The following ZC2HC1B variants were observed in gnomAD, a reference collection of about 807,000 sequenced individuals.
The protein encoded by ZC2HC1B is zinc finger C2HC-type containing 1B.
A neutral mutation model predicts 31.0 loss-of-function variants in ZC2HC1B; 36 were observed. That is an observed-to-expected ratio of 1.16 (90% CI 0.89 to 1.54). The LOEUF is 1.54. Ranked by LOEUF, ZC2HC1B falls within the 40% of genes most tolerant of loss-of-function variation. The probability of loss-of-function intolerance (pLI) is 0.00; values close to 1 mark genes in which losing one functional copy is unlikely to be tolerated. For synonymous variants in ZC2HC1B, 73 were observed against 88.0 expected, an observed-to-expected ratio of 0.83 and a Z score of 0.95; for missense variants, 260 against 268.6, an observed-to-expected ratio of 0.97 and a Z score of 0.22.
At chr6:143,925,611 G>T (rs192551765) in intron 6 of ZC2HC1B, among the ~76,000 whole-genome samples, 6 of 142,348 alleles carry the variant, frequency 4.2e-5, no homozygotes, top group South Asian at 4.5e-4. Context: ...ATCTCGTCTC[G>T]CCGCAACCTC....
chr6:143,889,364 C>T (rs573056971), intron 4 of ZC2HC1B, among the ~76,000 whole-genome samples: 39 of 152,112 alleles, frequency 2.6e-4, no homozygotes, highest in African/African-American at 7.9e-4. Context: ...TGCATAATTG[C>T]ATATTAATGG....
At chr6:143,932,818 G>C (rs1389299724) in intron 6 of ZC2HC1B, among the ~76,000 whole-genome samples, 1 of 152,104 alleles carries the variant, frequency 6.6e-6, no homozygotes, top group Non-Finnish European at 1.5e-5. Context: ...GAACTCAAGG[G>C]CAGCTGTTCA....
At chr6:143,901,536 A>C (rs1001237942) in intron 5 of ZC2HC1B, among the ~76,000 whole-genome samples, 1 of 152,102 alleles carries the variant, frequency 6.6e-6, no homozygotes, top group African/African-American at 2.4e-5. Flanking sequence ...CTGGGATTAC[A>C]GGCATGAGAC....
In ZC2HC1B at chr6:143,934,305, C is replaced by T. The variant is rs545625960; in HGVS notation, c.599-3344C>T. Among the ~76,000 whole-genome samples the T allele has an allele frequency of 5.9e-5, 9 of 152,306 alleles. No homozygotes were observed. The highest frequency in any genetic ancestry group is 5.8e-4 in the East Asian group (3 of 5,184). On this transcript the variant is annotated intron_variant, in intron 6 of 7. Transcript: ENST00000237275. This position sits in a 1 kb window ranked among gnomAD's most constrained non-coding sequence, Gnocchi z 4.6. ...CTCCTGCAGTTGTTCCTGGAGCAAA[C>T]GACCACAGAGTGAGTGTCCACACGC...
chr6:143,892,844 A>G (rs1582959868), intron 4 of ZC2HC1B, among the ~76,000 whole-genome samples: 1 of 152,248 alleles, frequency 6.6e-6, no homozygotes, highest in East Asian at 1.9e-4. Flanking sequence ...TATAATTGTT[A>G]CAACTAAAGG....
At chr6:143,909,365 C>T (rs1409441004) in intron 6 of ZC2HC1B, among the ~76,000 whole-genome samples, 1 of 151,882 alleles carries the variant, frequency 6.6e-6, no homozygotes, top group Non-Finnish European at 1.5e-5. Flanking sequence ...CCACTGCACT[C>T]CAGCCTGGGT....
chr6:143,937,784 C>A (rs1474675561), intron 7 of ZC2HC1B, 51 bp downstream of exon 7: 1 of 1,391,942 alleles, frequency 7.2e-7, no homozygotes, highest in Non-Finnish European at 9.8e-7. Flanking sequence ...CAGTTAATGA[C>A]TTTTAAGAGA....
At chr6:143,904,795 G>A (rs1777775572) in intron 6 of ZC2HC1B, among the ~76,000 whole-genome samples, 1 of 152,130 alleles carries the variant, frequency 6.6e-6, no homozygotes, top group Non-Finnish European at 1.5e-5. Context: ...ATGGTGTTAG[G>A]TAAGAGTCCA....
chr6:143,932,324 A>C (rs1344050584), intron 6 of ZC2HC1B, among the ~76,000 whole-genome samples: 2 of 152,226 alleles, frequency 1.3e-5, no homozygotes, highest in Non-Finnish European at 2.9e-5. Context: ...CATAATCTCA[A>C]ACTTCTTGGA....
intron 5 of ZC2HC1B, among the ~76,000 whole-genome samples, chr6:143,901,680 A>G (rs1288589748): frequency 6.6e-6 from 1 of 152,026 alleles, no homozygotes; most frequent in African/African-American, 2.4e-5. Flanking sequence ...TTGTTGGGGG[A>G]CTTATAGATA....
chr6:143,928,420 A>C (rs986519514), intron 6 of ZC2HC1B, among the ~76,000 whole-genome samples: 1 of 152,068 alleles, frequency 6.6e-6, no homozygotes, highest in African/African-American at 2.4e-5. Flanking sequence ...TCAGTTGGCT[A>C]TAGGTATGTG....
chr6:143,893,607 A>G (rs1777627326), intron 4 of ZC2HC1B, among the ~76,000 whole-genome samples: 1 of 152,112 alleles, frequency 6.6e-6, no homozygotes, highest in Non-Finnish European at 1.5e-5. Context: ...AGTGTTTGCT[A>G]TGATGTGGAC....
Position 143,908,498 on chromosome 6 carries a change from T to C in ZC2HC1B, c.598+5346T>C, listed in dbSNP as rs553124701. On this transcript the variant is annotated intron_variant, in intron 6 of 7. Transcript: ENST00000237275. The surrounding 1 kb of genome is among the most constrained non-coding windows in gnomAD (Gnocchi z 4.4). ...CTTTGAAGAGATTCTTCACTTTCCT[T>C]GTTAGCTGTATTCCTGGGCATTTTA... Among the ~76,000 whole-genome samples the C allele has an allele frequency of 6.6e-6, 1 of 152,350 alleles. No individual in the cohort carries two copies. Among genetic ancestry groups the C allele is most frequent in the African/African-American group, 2.4e-5 (1 of 41,578 alleles).
intron 1 of ZC2HC1B, among the ~76,000 whole-genome samples, chr6:143,879,294 C>T (rs547825299): frequency 1.3e-5 from 2 of 152,254 alleles, no homozygotes; most frequent in East Asian, 3.9e-4. Context: ...TTTTAGGTTT[C>T]TTGTTTTCTT....
At position 143,934,050 on chromosome 6, in the gene ZC2HC1B, T is replaced by C. The variant is rs980501399; in HGVS notation, c.599-3599T>C. ...CTGCCTACAAGGCTTGTCCCACTGC[T>C]GCTTCTACTTTTACATTTCACAGCA... On this transcript the variant is annotated intron_variant, in intron 6 of 7. Transcript: ENST00000237275. This position sits in a 1 kb window ranked among gnomAD's most constrained non-coding sequence, Gnocchi z 4.6. Among the ~76,000 whole-genome samples, 1 of 152,254 alleles carries C rather than the reference T, an allele frequency of 6.6e-6. No homozygotes were observed. Among genetic ancestry groups the C allele is most frequent in the Non-Finnish European group, 1.5e-5 (1 of 68,046 alleles).
At position 143,886,948 on chromosome 6, in the gene ZC2HC1B, T is replaced by G. The variant is rs1442645836; in HGVS notation, c.349+127T>G. 8.9e-6 allele frequency: 9 copies of G among 1,008,074 alleles called. No individual in the cohort carries two copies. The highest frequency in any genetic ancestry group is 2.7e-4 in the Middle Eastern group (1 of 3,748). The allele number at this position is 1,008,074 out of a possible 1,614,324, so 62.4% of individuals were successfully genotyped here. ...AGTAATTTTATTAATTATATAAAAG[T>G]AAACATCCTATTTTTTTCAATTCTG... is the stretch of plus-strand genomic sequence containing the variant. On this transcript the variant is annotated intron_variant, in intron 4 of 7. Transcript: ENST00000237275. The surrounding 1 kb of genome is among the most constrained non-coding windows in gnomAD (Gnocchi z 4.2).
rs1386872735 is a variant in ZC2HC1B, at chr6:143,868,824, T to G, written c.28+4257T>G. Among the ~76,000 whole-genome samples the G allele has an allele frequency of 1.3e-5, 2 of 152,222 alleles. No homozygotes were observed. The highest frequency in any genetic ancestry group is 4.8e-5 in the African/African-American group (2 of 41,464). On this transcript the variant is annotated intron_variant, in intron 1 of 7. Coordinates refer to ENST00000237275, the MANE Select transcript of ZC2HC1B (RefSeq NM_001013623.3). This position sits in a 1 kb window ranked among gnomAD's most constrained non-coding sequence, Gnocchi z 4.2. Reference sequence around the variant, plus strand: ...CACCAATCCCCAACCCAAATACTATTACATAAAGTTAACAATTCTTAAATG... The same window carrying G: ...CACCAATCCCCAACCCAAATACTATGACATAAAGTTAACAATTCTTAAATG...
At position 143,886,929 on chromosome 6, in the gene ZC2HC1B, T is replaced by TG; in HGVS notation, c.349+108_349+109insG. 3 of 1,074,160 alleles carry TG rather than the reference T, an allele frequency of 2.8e-6. No individual in the cohort carries two copies. Among genetic ancestry groups the TG allele is most frequent in the Non-Finnish European group, 3.7e-6 (3 of 808,184 alleles). 66.5% of individuals were successfully genotyped at this position (1,074,160 alleles called of 1,614,324 possible). On this transcript the variant is annotated intron_variant, in intron 4 of 7. Transcript: ENST00000237275. This position sits in a 1 kb window ranked among gnomAD's most constrained non-coding sequence, Gnocchi z 4.2. ...ACAATAACAATTACATAGAAGTAAT[T>TG]TTATTAATTATATAAAAGTAAACAT...
rs1341251058 is a variant in ZC2HC1B at position 143,923,003 on chromosome 6, A to G, written c.599-14646A>G. ...TAATATAGAGTTCCCTTTTCTCCGC[A>G]TCCTCACAAGCATCTGTTATTTCTT... On this transcript the variant is annotated intron_variant, in intron 6 of 7. Coordinates refer to ENST00000237275, the MANE Select transcript of ZC2HC1B (RefSeq NM_001013623.3). This position sits in a 1 kb window ranked among gnomAD's most constrained non-coding sequence, Gnocchi z 4.8. Among the ~76,000 whole-genome samples the G allele has an allele frequency of 6.6e-6, 1 of 152,162 alleles. No individual in the cohort carries two copies. The highest frequency in any genetic ancestry group is 1.5e-5 in the Non-Finnish European group (1 of 68,004).
Sources: allele counts gnomAD v4.1 joint callset (sites outside exome capture counted in the v4.1 genomes callset), GRCh38; gene constraint gnomAD v4.1.1; non-coding constraint Gnocchi (gnomAD v3.1); transcripts MANE v1.5; gene names NCBI Gene and HGNC (gene_info 2026-07-23, HGNC 2026-07-21).